Variants in SMDT1 observed in about 807,000 individuals in gnomAD.
The protein encoded by SMDT1 is single-pass membrane protein with aspartate rich tail 1.
Under a neutral mutation model 5.9 loss-of-function variants are expected in SMDT1, and 6 were observed. The observed-to-expected ratio is 1.03, with a 90% CI of 0.56 to 2.02. The LOEUF (loss-of-function observed/expected upper bound fraction) is 2.02. Among genes scored for constraint, SMDT1 ranks in the 30% most tolerant of loss-of-function variants. SMDT1 has a pLI of 0.00. For synonymous variants in SMDT1, 81 were observed against 62.4 expected, an observed-to-expected ratio of 1.30 and a Z score of -1.40; for missense variants, 159 against 145.6, an observed-to-expected ratio of 1.09 and a Z score of -0.47.
rs1927985298 is a variant in SMDT1 at position 42,083,977 on chromosome 22, A to T, written c.*862A>T. 6.6e-6 allele frequency: 1 copy of T among 152,104 alleles called. No individual in the cohort carries two copies. Among genetic ancestry groups the T allele is most frequent in the Non-Finnish European group, 1.5e-5 (1 of 68,010 alleles). 9.4% of individuals were successfully genotyped at this position (152,104 alleles called of 1,614,324 possible). On this transcript the variant is annotated 3_prime_UTR_variant, in exon 3 of 3. Coordinates refer to ENST00000331479, the MANE Select transcript of SMDT1 (RefSeq NM_033318.5). ...CATTTCAGAAGGGATTCTGCCCCAT[A>T]CCTGAGAGGAAGAAATGTAGACAGG...
intron 1 of SMDT1, among the ~76,000 whole-genome samples, chr22:42,080,257 G>A (rs544520871): frequency 1.1e-4 from 17 of 152,282 alleles, no homozygotes; most frequent in African/African-American, 4.1e-4. Flanking sequence ...GCTTAGAGCA[G>A]TCCTGTAATC....
At chr22:42,081,356 G>T (rs912252489) in intron 1 of SMDT1, among the ~76,000 whole-genome samples, 7 of 152,032 alleles carry the variant, frequency 4.6e-5, no homozygotes, top group African/African-American at 1.7e-4. Context: ...TAGTAGAGAC[G>T]GGGTTTCACT....
intron 1 of SMDT1, among the ~76,000 whole-genome samples, chr22:42,081,141 T>C (rs1229892597): frequency 3.3e-5 from 5 of 152,156 alleles, no homozygotes; most frequent in Non-Finnish European, 7.4e-5. Flanking sequence ...TTCGTCCATT[T>C]TGATGGCCAT....
intron 1 of SMDT1, among the ~76,000 whole-genome samples, chr22:42,081,029 T>G (rs2146861471): frequency 6.6e-6 from 1 of 152,342 alleles, no homozygotes; most frequent in Admixed American, 6.5e-5. Flanking sequence ...GCCCTCCTAG[T>G]ACTGGTGCAC....
At chr22:42,081,447 G>A (rs1927776810) in intron 1 of SMDT1, among the ~76,000 whole-genome samples, 1 of 151,548 alleles carries the variant, frequency 6.6e-6, no homozygotes, top group South Asian at 2.1e-4. Context: ...TTACAGGTGT[G>A]AGCCACTGCG....
At position 42,079,892 on chromosome 22, in the gene SMDT1, C is replaced by T. The variant is rs764866171; in HGVS notation, c.124C>T (p.Leu42=). The T allele has an allele frequency of 6.8e-6, 11 of 1,614,184 alleles. No individual in the cohort carries two copies. Among genetic ancestry groups the T allele is most frequent in the Non-Finnish European group, 9.3e-6 (11 of 1,180,010 alleles). ...CGCATGGAGCGGCTCAGGCCGGAGC[C>T]TGGTACCGTCGAGGTCAGTCATCGT... ...SAAWSGSGRS[L]VPSRSVIVTR... Residue 42 remains leucine (L), a synonymous_variant, in exon 1 of 3, where the codon CTG becomes TTG. Coordinates refer to ENST00000331479, the MANE Select transcript of SMDT1 (RefSeq NM_033318.5).
In SMDT1 at chr22:42,083,780, G is replaced by A. The variant is rs1338837932; in HGVS notation, c.*665G>A. On this transcript the variant is annotated 3_prime_UTR_variant, in exon 3 of 3. Coordinates refer to ENST00000331479, the MANE Select transcript of SMDT1 (RefSeq NM_033318.5). ...ATAATGTTGGGCACTTCGGGCCTCA[G>A]AAAACAGCAGGCTGTTTCTCAGATC... 1 of 152,176 alleles carries A rather than the reference G, an allele frequency of 6.6e-6. No individual in the cohort carries two copies. The highest frequency in any genetic ancestry group is 2.4e-5 in the African/African-American group (1 of 41,434). 9.4% of individuals were successfully genotyped at this position (152,176 alleles called of 1,614,324 possible). A position where few individuals can be genotyped will look rare whatever the true frequency, so the allele number is the denominator to read the frequency against.
chr22:42,079,899 C>T lies in SMDT1; in HGVS notation c.131C>T (p.Pro44Leu). Residue 44 changes from proline (P) to leucine (L), a missense_variant, in exon 1 of 3, where the codon CCG (proline) becomes CTG (leucine). Coordinates refer to ENST00000331479, the MANE Select transcript of SMDT1 (RefSeq NM_033318.5). ...AWSGSGRSLV[P>L]SRSVIVTRSG... The stretch of plus-strand genomic sequence containing the variant: ...AGCGGCTCAGGCCGGAGCCTGGTAC[C>T]GTCGAGGTCAGTCATCGTTACCCGC... 1 of 1,614,064 alleles carries T rather than the reference C, an allele frequency of 6.2e-7. No individual in the cohort carries two copies. Among genetic ancestry groups the T allele is most frequent in the South Asian group, 1.1e-5 (1 of 91,064 alleles).
In SMDT1 at chr22:42,083,794, G is replaced by GT. The variant is rs1335810076; in HGVS notation, c.*682dup. 6.6e-6 allele frequency: 1 copy of GT among 152,174 alleles called. No homozygotes were observed. The highest frequency in any genetic ancestry group is 1.5e-5 in the Non-Finnish European group (1 of 68,036). 9.4% of individuals were successfully genotyped at this position (152,174 alleles called of 1,614,324 possible). A position where few individuals can be genotyped will look rare whatever the true frequency, so the allele number is the denominator to read the frequency against. On this transcript the variant is annotated 3_prime_UTR_variant, in exon 3 of 3. Transcript: ENST00000331479. The stretch of plus-strand genomic sequence containing the variant: ...TTCGGGCCTCAGAAAACAGCAGGCT[G>GT]TTTCTCAGATCTTCTCCTGACCTCC...
chr22:42,081,859 C>A, intron 1 of SMDT1, 66 bp from the exon 2 acceptor site: 2 of 1,595,432 alleles, frequency 1.3e-6, no homozygotes, highest in Non-Finnish European at 8.6e-7. Flanking sequence ...GTGAGAGGGC[C>A]AGGTCTTCTT....
chr22:42,082,133 C>T, intron 2 of SMDT1, 68 bp downstream of exon 2: 1 of 1,580,878 alleles, frequency 6.3e-7, no homozygotes, highest in Non-Finnish European at 8.6e-7. Flanking sequence ...TGCAGTCTGG[C>T]CTGGTAGCAG....
At chr22:42,080,563 T>G (rs1308196284) in intron 1 of SMDT1, among the ~76,000 whole-genome samples, 5 of 152,168 alleles carry the variant, frequency 3.3e-5, no homozygotes, top group Admixed American at 2.0e-4. Flanking sequence ...CACTGAACGC[T>G]ATCACATGCT....
chr22:42,082,008 T>A lies in SMDT1; in HGVS notation c.270T>A (p.Ala90=). 6.2e-7 allele frequency: 1 copy of A among 1,614,048 alleles called. No homozygotes were observed. The highest frequency in any genetic ancestry group is 8.5e-7 in the Non-Finnish European group (1 of 1,180,046). The change falls in exon 2 of 3, where the codon GCT becomes GCA. Residue 90 remains alanine (A), a synonymous_variant. Coordinates refer to ENST00000331479, the MANE Select transcript of SMDT1 (RefSeq NM_033318.5). ...VGTLISKNFA[A]LLEEHDIFVP... is the part of the protein sequence containing the mutation. The stretch of plus-strand genomic sequence containing the variant: ...CACTCATTAGCAAGAACTTTGCTGC[T>A]CTACTTGAGGAACATGACATTTTTG...
In SMDT1 at chr22:42,081,169, CT is replaced by C. The variant is rs58944505; in HGVS notation, c.187-742del. Among the ~76,000 whole-genome samples, 261 of 143,930 alleles carry C rather than the reference CT, an allele frequency of 1.8e-3. 1 individual carries two copies. Among genetic ancestry groups the C allele is most frequent in the Admixed American group, 1.7e-3 (24 of 14,374 alleles). 94.4% of individuals were successfully genotyped at this position (143,930 alleles called of 152,430 possible). On this transcript the variant is annotated intron_variant, in intron 1 of 2. Coordinates refer to ENST00000331479, the MANE Select transcript of SMDT1 (RefSeq NM_033318.5). ...ATGGCCATAACAGTCACCTTATCTC[CT>C]TTTTTTTTTTTTTGAGACGGAGTCT...
intron 1 of SMDT1, among the ~76,000 whole-genome samples, chr22:42,081,290 T>G (rs960990040): frequency 6.6e-6 from 1 of 151,762 alleles, no homozygotes; most frequent in Non-Finnish European, 1.5e-5. Context: ...CTCAGCCTTC[T>G]GAGTAGCTGG....
In SMDT1 at chr22:42,083,428, CCTTT is replaced by C. The variant is rs1927935870; in HGVS notation, c.*314_*317del. ...TAGTTGGTGCAGTTGTCTCTGCTGTCCTTTATTTATGGGAGAAACATAGGCCCAG... is the reference window on the plus strand; with the variant it reads ...TAGTTGGTGCAGTTGTCTCTGCTGTCATTTATGGGAGAAACATAGGCCCAG... On this transcript the variant is annotated 3_prime_UTR_variant, in exon 3 of 3. Transcript: ENST00000331479. The C allele has an allele frequency of 6.6e-6, 1 of 152,180 alleles. No homozygotes were observed. Among genetic ancestry groups the C allele is most frequent in the Non-Finnish European group, 1.5e-5 (1 of 68,038 alleles). 9.4% of individuals were successfully genotyped at this position (152,180 alleles called of 1,614,324 possible).
chr22:42,079,931 G>A lies in SMDT1; in HGVS notation c.163G>A (p.Ala55Thr), dbSNP rs551233749. The change falls in exon 1 of 3, where the codon GCC becomes ACC. Residue 55 changes from alanine to threonine, a missense_variant. Physicochemically the swap from Ala to Thr is moderately conservative, Grantham distance 58. Transcript: ENST00000331479. ...GTCAGTCATCGTTACCCGCAGCGGC[G>A]CCATTTTGCCCAAACCGGTGAAAGT... The part of the protein sequence containing the change: ...SRSVIVTRSG[A>T]ILPKPVKMSF... 1 of 1,612,896 alleles carries A rather than the reference G, an allele frequency of 6.2e-7. No individual in the cohort carries two copies. The highest frequency in any genetic ancestry group is 8.5e-7 in the Non-Finnish European group (1 of 1,179,292).
rs897493930 is a variant in SMDT1, at chr22:42,083,172, C to G, written c.*57C>G. 1 of 152,636 alleles carries G rather than the reference C, an allele frequency of 6.6e-6. No homozygotes were observed. The highest frequency in any genetic ancestry group is 2.4e-5 in the African/African-American group (1 of 41,460). 9.5% of individuals were successfully genotyped at this position (152,636 alleles called of 1,614,324 possible). On this transcript the variant is annotated 3_prime_UTR_variant, in exon 3 of 3. Transcript: ENST00000331479. Reference sequence around the variant, plus strand: ...GAAGAAATGGTGATGCTCTCAGTTTCTCTGCCTTCCCTATCAGCAGAAAGG... The same window carrying G: ...GAAGAAATGGTGATGCTCTCAGTTTGTCTGCCTTCCCTATCAGCAGAAAGG...
intron 1 of SMDT1, among the ~76,000 whole-genome samples, chr22:42,080,564 A>G (rs1168770873): frequency 6.6e-6 from 1 of 152,176 alleles, no homozygotes; most frequent in Non-Finnish European, 1.5e-5. Flanking sequence ...ACTGAACGCT[A>G]TCACATGCTT....
Sources: allele counts gnomAD v4.1 joint callset (sites outside exome capture counted in the v4.1 genomes callset), GRCh38; gene constraint gnomAD v4.1.1; transcripts MANE v1.5; gene names NCBI Gene and HGNC (gene_info 2026-07-23, HGNC 2026-07-21).